Variants in QTGAL observed in about 807,000 individuals in gnomAD.
The protein encoded by QTGAL is queuosine-tRNA galactosyltransferase, also known as BGnT-like protein 1.
chr17:83,011,218 G>T, the QTGAL span, among the ~76,000 whole-genome samples: 3 of 152,346 alleles, frequency 2.0e-5, no homozygotes, highest in African/African-American at 7.2e-5. Context: ...ACGGGGGTTG[G>T]CTGGCCCTCA....
the QTGAL span, among the ~76,000 whole-genome samples, chr17:83,024,591 T>A: frequency 4.6e-5 from 7 of 152,334 alleles, no homozygotes; most frequent in South Asian, 1.4e-3. Flanking sequence ...AGCTGGCAAC[T>A]GTGCAGGGCC....
chr17:82,967,603 C>T, the QTGAL span, among the ~76,000 whole-genome samples: 19 of 151,934 alleles, frequency 1.3e-4, no homozygotes, highest in African/African-American at 3.4e-4. Flanking sequence ...AAATAAAATT[C>T]GAACTGCAAT....
the QTGAL span, among the ~76,000 whole-genome samples, chr17:82,972,308 C>G: frequency 4.3e-5 from 6 of 140,788 alleles, no homozygotes; most frequent in Non-Finnish European, 6.1e-5. Context: ...ACTGACCACA[C>G]CACACCACAG....
the QTGAL span, among the ~76,000 whole-genome samples, chr17:82,967,723 G>A: frequency 6.6e-6 from 1 of 151,852 alleles, no homozygotes; most frequent in Non-Finnish European, 1.5e-5. Context: ...CGGGAGAATC[G>A]CTTGAGCCCA....
the QTGAL span, among the ~76,000 whole-genome samples, chr17:82,975,888 T>A: frequency 2.4e-5 from 1 of 42,448 alleles, no homozygotes; most frequent in Non-Finnish European, 4.6e-5. Flanking sequence ...CGGAGGCCAC[T>A]TATGGGGAAC....
the QTGAL span, among the ~76,000 whole-genome samples, chr17:83,022,319 G>A: frequency 2.1e-5 from 3 of 140,538 alleles, no homozygotes; most frequent in Non-Finnish European, 3.2e-5. Flanking sequence ...CATGAGCTTA[G>A]CACTGTCCCC....
At chr17:82,960,880 C>T in the QTGAL span, among the ~76,000 whole-genome samples, 4 of 152,240 alleles carry the variant, frequency 2.6e-5, no homozygotes, top group African/African-American at 7.2e-5. Flanking sequence ...TCGTGGACGC[C>T]GAATCCCCGC....
chr17:82,995,540 G>A, the QTGAL span, among the ~76,000 whole-genome samples: 2 of 151,988 alleles, frequency 1.3e-5, no homozygotes, highest in Non-Finnish European at 2.9e-5. Flanking sequence ...GTGCCACCAC[G>A]CCTGGCTAAT....
chr17:83,048,506 A>T, the QTGAL span: 1 of 1,613,828 alleles, frequency 6.2e-7, no homozygotes, highest in Non-Finnish European at 8.5e-7. Flanking sequence ...CCCCCCAATG[A>T]TCACGTGGAC....
chr17:82,942,269 A>T, the QTGAL span: 1 of 750,866 alleles, frequency 1.3e-6, no homozygotes, highest in Non-Finnish European at 2.2e-6. Context: ...AGGACACGTT[A>T]GTCATGAGCA....
At chr17:83,016,645 G>A in the QTGAL span, among the ~76,000 whole-genome samples, 1 of 111,376 alleles carries the variant, frequency 9.0e-6, no homozygotes, top group Non-Finnish European at 2.0e-5. Context: ...AGAAGAAGGA[G>A]GGAGGAGGCA....
At chr17:83,011,360 G>C in the QTGAL span, 17 of 152,232 alleles carry the variant, frequency 1.1e-4, no homozygotes, top group Non-Finnish European at 2.4e-4. Context: ...ATTTATGAAA[G>C]CCGCCATCAA....
chr17:82,984,102 G>A, the QTGAL span, among the ~76,000 whole-genome samples: 88 of 133,914 alleles, frequency 6.6e-4, 1 homozygote, highest in African/African-American at 2.5e-3. Context: ...ACGGGGGAGA[G>A]ATCATGTGAG....
chr17:83,048,643 T>C, the QTGAL span: 1 of 1,607,866 alleles, frequency 6.2e-7, no homozygotes, highest in East Asian at 2.2e-5. Flanking sequence ...TGGGGCTGAG[T>C]CACCCGACAG....
chr17:83,005,508 A>C, the QTGAL span: 1 of 687,640 alleles, frequency 1.5e-6, no homozygotes, highest in Non-Finnish European at 2.7e-6. This position sits in a 1 kb window ranked among gnomAD's most constrained non-coding sequence, Gnocchi z 5.6. Context: ...GTCACAGATG[A>C]CATTTCCCCT....
At chr17:82,960,859 G>A in the QTGAL span, among the ~76,000 whole-genome samples, 5 of 152,376 alleles carry the variant, frequency 3.3e-5, no homozygotes, top group South Asian at 4.1e-4. Flanking sequence ...GCGCCCTTGG[G>A]AAATGCCCCT....
chr17:82,984,117 T>C, the QTGAL span, among the ~76,000 whole-genome samples: 12,234 of 59,810 alleles, frequency 0.2, 424 homozygotes, highest in Admixed American at 0.28. Context: ...TGTGAGCACA[T>C]GGGGGAGAGG....
At chr17:82,990,302 G>A in the QTGAL span, among the ~76,000 whole-genome samples, 4 of 152,196 alleles carry the variant, frequency 2.6e-5, no homozygotes, top group Admixed American at 2.0e-4. Flanking sequence ...TGGTTTCTTT[G>A]GGCAAATGTG....
the QTGAL span, among the ~76,000 whole-genome samples, chr17:83,031,380 G>T: frequency 6.6e-6 from 1 of 152,022 alleles, no homozygotes. Flanking sequence ...GCGGGGAAGG[G>T]TGTAAACTCA....
Sources: gnomAD v4.1 joint callset for allele counts (sites outside exome capture counted in the v4.1 genomes callset) on GRCh38, gnomAD v4.1.1 for gene constraint, Gnocchi (gnomAD v3.1) non-coding constraint, MANE v1.5 for transcripts, NCBI Gene and HGNC (gene_info 2026-07-23, HGNC 2026-07-21) for gene names.